The following USP7 variants were observed in gnomAD, a reference collection of about 807,000 sequenced individuals.
USP7 encodes the protein ubiquitin C-terminal hydrolase 7.
In USP7, 9 loss-of-function variants were observed where a neutral mutation model predicts 162.9. The observed-to-expected ratio is 0.06, with a 90% CI of 0.03 to 0.10. The LOEUF (loss-of-function observed/expected upper bound fraction) is 0.10. Ranked by LOEUF, USP7 falls within the 10% of genes least tolerant of loss-of-function variation. The pLI is 1.00. For synonymous variants in USP7, 562 were observed against 475.9 expected, an observed-to-expected ratio of 1.18 and a Z score of -2.35; for missense variants, 715 against 1,373.7, an observed-to-expected ratio of 0.52 and a Z score of 7.58.
intron 3 of USP7, among the ~76,000 whole-genome samples, chr16:8,922,510 A>G (rs1897753010): frequency 6.6e-6 from 1 of 152,172 alleles, no homozygotes; most frequent in South Asian, 2.1e-4. Context: ...GGGATCTGAC[A>G]GAACAGCCAG....
At chr16:8,923,177 G>A (rs897336430) in intron 3 of USP7, 38 bp downstream of exon 3, 22 of 62,072 alleles carry the variant, frequency 3.5e-4, no homozygotes, top group Non-Finnish European at 6.4e-4. Context: ...GCACTAGGCT[G>A]ATCAAATTTG....
intron 5 of USP7, among the ~76,000 whole-genome samples, chr16:8,919,477 T>TA (rs1206148597): frequency 6.6e-6 from 1 of 151,974 alleles, no homozygotes; most frequent in Non-Finnish European, 1.5e-5. Context: ...TAATTACACT[T>TA]ATCACACGCA....
At chr16:8,923,135 T>C (rs1897794296) in intron 3 of USP7, 80 bp downstream of exon 3, 3 of 817,794 alleles carry the variant, frequency 3.7e-6, no homozygotes, top group Non-Finnish European at 3.5e-6. Flanking sequence ...CAAAAGGCTA[T>C]GTAGAGGCAG....
chr16:8,937,931 A>G (rs1228397873), intron 1 of USP7, among the ~76,000 whole-genome samples: 1 of 152,156 alleles, frequency 6.6e-6, no homozygotes, highest in Admixed American at 6.5e-5. Flanking sequence ...ACCACGTGAG[A>G]AGGAACTACC....
Position 8,949,939 on chromosome 16 carries a change from C to T in USP7, c.79+13268G>A, listed in dbSNP as rs563740981. Reference sequence around the variant, plus strand: ...GTCAAGGAGGTCTAACGGTTGCTATCCCCTAGAATAGCAAAGGAAAACCCC... The same window carrying T: ...GTCAAGGAGGTCTAACGGTTGCTATTCCCTAGAATAGCAAAGGAAAACCCC... On this transcript the variant is annotated intron_variant, in intron 1 of 30. Transcript: ENST00000344836. Among the ~76,000 whole-genome samples, 5 of 152,334 alleles carry T rather than the reference C, an allele frequency of 3.3e-5. No homozygotes were observed. In the South Asian group the frequency reaches 1.0e-3, roughly 32 times the overall value.
At chr16:8,922,105 T>A (rs986378054) in intron 3 of USP7, among the ~76,000 whole-genome samples, 11 of 152,110 alleles carry the variant, frequency 7.2e-5, no homozygotes, top group African/African-American at 2.7e-4. Context: ...CAAATACTCA[T>A]CAGATCACAT....
intron 16 of USP7, 49 bp from the exon 17 acceptor site, chr16:8,902,531 T>G (rs766578714): frequency 6.7e-7 from 1 of 1,485,980 alleles, no homozygotes; most frequent in Non-Finnish European, 9.3e-7. Context: ...GCTCATATTT[T>G]AGTCCTCTAT....
intron 10 of USP7, among the ~76,000 whole-genome samples, chr16:8,911,787 T>C (rs775622202): frequency 9.9e-5 from 15 of 152,198 alleles, no homozygotes; most frequent in Non-Finnish European, 1.8e-4. Context: ...CTTCCGAAGC[T>C]GTCAGTGAGA....
At chr16:8,941,934 ACG>A (rs886974969) in intron 1 of USP7, among the ~76,000 whole-genome samples, 4 of 152,226 alleles carry the variant, frequency 2.6e-5, no homozygotes, top group African/African-American at 9.6e-5. Context: ...TAGAGGGCAA[ACG>A]CACACAGTGA....
chr16:8,918,795 CAA>C (rs1341872523), intron 6 of USP7, among the ~76,000 whole-genome samples: 4 of 152,182 alleles, frequency 2.6e-5, no homozygotes, highest in African/African-American at 9.6e-5. Flanking sequence ...GGCGACAGAG[CAA>C]GACTCCATCT....
intron 1 of USP7, among the ~76,000 whole-genome samples, chr16:8,936,117 C>T (rs1310045082): frequency 1.3e-5 from 2 of 152,196 alleles, no homozygotes; most frequent in African/African-American, 2.4e-5. Context: ...TGTCCTGCCA[C>T]CAGGTGGTGC....
chr16:8,913,969 T>C (rs117630458), intron 10 of USP7, among the ~76,000 whole-genome samples: 4,561 of 151,806 alleles, frequency 0.03, 101 homozygotes, highest in Non-Finnish European at 0.044. Flanking sequence ...AACTCCTGGG[T>C]TCAAGCAATC....
At chr16:8,915,073 G>A (rs1452402614) in intron 10 of USP7, among the ~76,000 whole-genome samples, 181 bp downstream of exon 10, 1 of 152,184 alleles carries the variant, frequency 6.6e-6, no homozygotes, top group African/African-American at 2.4e-5. Flanking sequence ...TGGGAGTGCT[G>A]GCCAACACCA....
At chr16:8,936,612 A>T (rs775928437) in intron 1 of USP7, 1 of 1,559,278 alleles carries the variant, frequency 6.4e-7, no homozygotes, top group African/African-American at 1.4e-5. Context: ...GTTCCCAGCC[A>T]TCTCTGCATG....
chr16:8,906,075 G>A (rs544323631), intron 13 of USP7, among the ~76,000 whole-genome samples: 37 of 152,310 alleles, frequency 2.4e-4, no homozygotes, highest in Non-Finnish European at 4.7e-4. Context: ...GGTAGGACCA[G>A]GGGGCACGCA....
At chr16:8,914,686 G>A (rs2062001421) in intron 10 of USP7, among the ~76,000 whole-genome samples, 1 of 152,108 alleles carries the variant, frequency 6.6e-6, no homozygotes, top group African/African-American at 2.4e-5. Flanking sequence ...GGGAGCCCAA[G>A]GCAGGAAGGT....
chr16:8,909,791 T>A (rs545576773), intron 11 of USP7, among the ~76,000 whole-genome samples: 1 of 152,118 alleles, frequency 6.6e-6, no homozygotes, highest in Non-Finnish European at 1.5e-5. Flanking sequence ...TTGGGCATAG[T>A]GGCGGGCGCC....
rs766728373 is a variant in USP7 at position 8,900,510 on chromosome 16, A to G, written c.2309+20T>C. The G allele has an allele frequency of 1.2e-5, 19 of 1,549,742 alleles. No individual in the cohort carries two copies. The highest frequency in any genetic ancestry group is 4.1e-5 in the African/African-American group (3 of 72,934). The stretch of plus-strand genomic sequence containing the variant: ...CCTGAAATTAGTACAAAGTGATACA[A>G]TCCTTCACAAAGTACATACTTCTGA... On this transcript the variant is annotated intron_variant, in intron 21 of 30. Transcript: ENST00000344836.
chr16:8,903,511 A>G, intron 15 of USP7, 109 bp from the exon 16 acceptor site: 1 of 1,328,430 alleles, frequency 7.5e-7, no homozygotes. Flanking sequence ...TTTGTTCCAA[A>G]GAAACTTCTT....
Sources: allele counts gnomAD v4.1 joint callset (sites outside exome capture counted in the v4.1 genomes callset), GRCh38; gene constraint gnomAD v4.1.1; transcripts MANE v1.5; gene names NCBI Gene and HGNC (gene_info 2026-07-23, HGNC 2026-07-21).